Variants in COMMD1 observed in about 807,000 individuals in gnomAD.
The protein encoded by COMMD1 is copper metabolism domain containing 1, also known as COMM domain-containing protein 1.
In COMMD1, 10 loss-of-function variants were observed where a neutral mutation model predicts 17.2. The ratio of observed to expected loss-of-function variants is 0.58; its 90% CI spans 0.36 to 0.99. The LOEUF is 0.99. Among genes scored for constraint, COMMD1 ranks in the 50% least tolerant of loss-of-function variants. The probability of loss-of-function intolerance (pLI) is 0.01; values close to 1 mark genes in which losing one functional copy is unlikely to be tolerated. For synonymous variants in COMMD1, 97 were observed against 91.6 expected (o/e 1.06, Z -0.34); for missense variants, 270 against 231.8 (o/e 1.17, Z -1.07).
chr2:61,899,458 T>C (rs949702165), intron 1 of COMMD1, among the ~76,000 whole-genome samples: 1 of 152,218 alleles, frequency 6.6e-6, no homozygotes, highest in African/African-American at 2.4e-5. Flanking sequence ...CATTTACTTA[T>C]GAGGGCTTCC....
At chr2:62,013,955 T>C (rs1226199972) in intron 2 of COMMD1, among the ~76,000 whole-genome samples, 1 of 152,220 alleles carries the variant, frequency 6.6e-6, no homozygotes, top group Non-Finnish European at 1.5e-5. Flanking sequence ...AACTCTCAAC[T>C]TACAGAGAGA....
At chr2:61,993,648 A>C (rs1003446093) in intron 1 of COMMD1, among the ~76,000 whole-genome samples, 3 of 152,254 alleles carry the variant, frequency 2.0e-5, no homozygotes, top group Non-Finnish European at 2.9e-5. Context: ...TGCTGTGAAC[A>C]GTATCTGTTT....
chr2:61,923,769 TTTTG>T (rs1197781123), intron 1 of COMMD1, among the ~76,000 whole-genome samples: 2 of 152,086 alleles, frequency 1.3e-5, no homozygotes, highest in African/African-American at 4.8e-5. Context: ...GAAAGAGTTT[TTTTG>T]TTTGTTTGTT....
At chr2:62,035,843 G>A (rs1558571466) in intron 2 of COMMD1, among the ~76,000 whole-genome samples, 1 of 151,962 alleles carries the variant, frequency 6.6e-6, no homozygotes, top group East Asian at 1.9e-4. Context: ...CTGAGCCTCA[G>A]GGGTTCAAGA....
intron 1 of COMMD1, among the ~76,000 whole-genome samples, chr2:61,971,293 T>C (rs2103724285): frequency 6.6e-6 from 1 of 152,344 alleles, no homozygotes; most frequent in African/African-American, 2.4e-5. Context: ...CCTGCACCCT[T>C]TCCTCATTTG....
chr2:62,110,251 T>A (rs1403890050), intron 2 of COMMD1, among the ~76,000 whole-genome samples: 3 of 152,018 alleles, frequency 2.0e-5, no homozygotes, highest in Non-Finnish European at 4.4e-5. Context: ...TGATTTTTTT[T>A]ATAGGAATGG....
upstream of COMMD1, among the ~76,000 whole-genome samples, chr2:61,901,772 A>C (rs994028070): frequency 6.6e-6 from 1 of 152,230 alleles, no homozygotes; most frequent in Non-Finnish European, 1.5e-5. Context: ...AGAGATGTAC[A>C]CTATAACTAT....
chr2:62,101,137 TC>T (rs1407228354), intron 2 of COMMD1, among the ~76,000 whole-genome samples: 12 of 152,146 alleles, frequency 7.9e-5, no homozygotes, highest in Non-Finnish European at 5.9e-5. Context: ...CAATGGCTTT[TC>T]TGGGCTTTTA....
intron 2 of COMMD1, among the ~76,000 whole-genome samples, chr2:62,109,870 CTAA>C (rs1051293106): frequency 5.4e-5 from 8 of 147,548 alleles, no homozygotes; most frequent in Non-Finnish European, 1.2e-4. Flanking sequence ...TGGGAGGTGG[CTAA>C]TAGTTGTCTC....
chr2:61,991,708 C>CAG (rs1329247145), intron 1 of COMMD1, among the ~76,000 whole-genome samples: 1 of 152,136 alleles, frequency 6.6e-6, no homozygotes, highest in African/African-American at 2.4e-5. Context: ...ATAGCACGAA[C>CAG]AGAGACACAT....
At chr2:62,064,986 G>A (rs1670987306) in intron 2 of COMMD1, among the ~76,000 whole-genome samples, 1 of 152,080 alleles carries the variant, frequency 6.6e-6, no homozygotes. Context: ...GGGCAACATG[G>A]CGAAACCCCA....
chr2:62,112,110 G>C (rs1004128778), intron 2 of COMMD1, among the ~76,000 whole-genome samples: 3 of 152,226 alleles, frequency 2.0e-5, no homozygotes, highest in Non-Finnish European at 2.9e-5. Flanking sequence ...AAAAGGTTAA[G>C]AAGGGCTTAC....
chr2:61,889,320 C>T (rs1365989504), intron 1 of COMMD1, among the ~76,000 whole-genome samples: 1 of 151,462 alleles, frequency 6.6e-6, no homozygotes, highest in African/African-American at 2.4e-5. Context: ...GATCCTCCCG[C>T]CACAGCCTCC....
intron 2 of COMMD1, among the ~76,000 whole-genome samples, chr2:62,069,167 T>C (rs1671134110): frequency 6.6e-6 from 1 of 152,186 alleles, no homozygotes; most frequent in African/African-American, 2.4e-5. Flanking sequence ...TTTTGGCTTT[T>C]TTTTTGTTTT....
intron 2 of COMMD1, among the ~76,000 whole-genome samples, chr2:62,042,514 C>T (rs867181358): frequency 7.9e-5 from 12 of 152,288 alleles, no homozygotes; most frequent in African/African-American, 1.2e-4. Context: ...CAGGTGCTGG[C>T]GGGCCGTGCC....
chr2:62,055,554 C>G lies in COMMD1; in HGVS notation c.462+54572C>G, dbSNP rs1558579602. ...TGCTTTGCCACATGGAGACCAAGCA[C>G]CCTGCATTAAAAGACAAGCCTTTGG... On this transcript the variant is annotated intron_variant, in intron 2 of 2. Transcript: ENST00000311832. The G allele has an allele frequency of 7.0e-6, 3 of 426,760 alleles. No individual in the cohort carries two copies. The Admixed American group carries it at 8.6e-5, about 12-fold the overall frequency. 26.4% of individuals were successfully genotyped at this position (426,760 alleles called of 1,614,324 possible). A position where few individuals can be genotyped will look rare whatever the true frequency, so the allele number is the denominator to read the frequency against.
chr2:61,938,739 C>G (rs1222934228), intron 1 of COMMD1, among the ~76,000 whole-genome samples: 1 of 152,166 alleles, frequency 6.6e-6, no homozygotes, highest in African/African-American at 2.4e-5. Context: ...ATCTCTTCCA[C>G]TGGTTAACAG....
intron 2 of COMMD1, among the ~76,000 whole-genome samples, chr2:62,024,242 G>T (rs1396019543): frequency 6.6e-6 from 1 of 151,946 alleles, no homozygotes; most frequent in Non-Finnish European, 1.5e-5. Context: ...GTGGAGACAG[G>T]GTCTCCCTCT....
At chr2:62,001,922 C>G (rs1296463661) in intron 2 of COMMD1, among the ~76,000 whole-genome samples, 3 of 152,072 alleles carry the variant, frequency 2.0e-5, no homozygotes, top group Non-Finnish European at 2.9e-5. Flanking sequence ...AACCCCAGCA[C>G]TTTGGGAGGC....
Sources: allele counts gnomAD v4.1 joint callset (sites outside exome capture counted in the v4.1 genomes callset), GRCh38; gene constraint gnomAD v4.1.1; transcripts MANE v1.5; gene names NCBI Gene and HGNC (gene_info 2026-07-23, HGNC 2026-07-21).